CD200R1: variants seen among roughly 807,000 people sequenced by gnomAD.
CD200R1 encodes the protein CD200 receptor 1, also known as cell surface glycoprotein CD200 receptor 1.
In CD200R1, 30 loss-of-function variants were observed where a neutral mutation model predicts 38.1. The ratio of observed to expected loss-of-function variants is 0.79; its 90% CI spans 0.59 to 1.07. CD200R1 has a LOEUF of 1.07. Ranked by LOEUF, CD200R1 falls within the 50% of genes least tolerant of loss-of-function variation. CD200R1 has a pLI of 0.00. For missense variants in CD200R1, 372 were observed against 415.4 expected, an observed-to-expected ratio of 0.90 and a Z score of 0.91; for synonymous variants, 128 against 152.1, an observed-to-expected ratio of 0.84 and a Z score of 1.16.
chr3:112,952,302 T>A (rs1156307871), intron 1 of CD200R1, among the ~76,000 whole-genome samples: 2 of 152,204 alleles, frequency 1.3e-5, no homozygotes, highest in Non-Finnish European at 2.9e-5. Context: ...TCACTGTTAG[T>A]GTATAGAAAA....
intron 2 of CD200R1, among the ~76,000 whole-genome samples, chr3:112,942,551 A>G (rs1159737728): frequency 6.6e-6 from 1 of 151,592 alleles, no homozygotes; most frequent in East Asian, 1.9e-4. Context: ...AGAAGACAAA[A>G]ATAGGAACAA....
chr3:112,970,385 A>G (rs1003795348), intron 1 of CD200R1, among the ~76,000 whole-genome samples: 1 of 152,190 alleles, frequency 6.6e-6, no homozygotes, highest in Non-Finnish European at 1.5e-5. Flanking sequence ...TGTGTCTATT[A>G]TATGAATTAT....
rs946571340 is a variant in CD200R1, at chr3:112,923,363, T to G, written c.*314A>C. ...AGGATACACAAGAAACTGTTCACAC[T>G]TGCTCCTTCTTCAGTTATTTCTTGA... On this transcript the variant is annotated 3_prime_UTR_variant, in exon 8 of 8. Transcript: ENST00000308611. 1 of 188,984 alleles carries G rather than the reference T, an allele frequency of 5.3e-6. No individual in the cohort carries two copies. The highest frequency in any genetic ancestry group is 6.0e-5 in the Admixed American group (1 of 16,800). The allele number at this position is 188,984 out of a possible 1,614,324, so 11.7% of individuals were successfully genotyped here.
At chr3:112,963,309 G>T (rs1482989931) in intron 1 of CD200R1, among the ~76,000 whole-genome samples, 1 of 152,214 alleles carries the variant, frequency 6.6e-6, no homozygotes, top group Non-Finnish European at 1.5e-5. Context: ...AGCAGGTAGA[G>T]GTTGGAACAG....
At chr3:112,926,295 T>C (rs1940279491) in intron 5 of CD200R1, among the ~76,000 whole-genome samples, 1 of 152,194 alleles carries the variant, frequency 6.6e-6, no homozygotes, top group South Asian at 2.1e-4. Flanking sequence ...GGAGATGAAG[T>C]GGAGACTGAG....
intron 1 of CD200R1, among the ~76,000 whole-genome samples, chr3:112,954,630 A>C (rs911400987): frequency 2.0e-5 from 3 of 152,140 alleles, no homozygotes; most frequent in Non-Finnish European, 4.4e-5. Context: ...TTATCTAATG[A>C]AGCCTCCATA....
chr3:112,929,770 G>C (rs946636281), intron 3 of CD200R1, among the ~76,000 whole-genome samples: 1 of 151,956 alleles, frequency 6.6e-6, no homozygotes, highest in African/African-American at 2.4e-5. Flanking sequence ...TAATGGAGAA[G>C]TTTTAATATC....
chr3:112,957,048 G>A (rs1236247915), intron 1 of CD200R1, among the ~76,000 whole-genome samples: 1 of 152,166 alleles, frequency 6.6e-6, no homozygotes, highest in Admixed American at 6.5e-5. Context: ...GGTGGGCCCA[G>A]AGTTGGGGTC....
At chr3:112,931,492 T>C (rs1940437712) in intron 2 of CD200R1, among the ~76,000 whole-genome samples, 1 of 152,188 alleles carries the variant, frequency 6.6e-6, no homozygotes, top group African/African-American at 2.4e-5. Flanking sequence ...TACGTGAGCA[T>C]CTCACATGAG....
chr3:112,940,223 G>T (rs1453205469), intron 2 of CD200R1, among the ~76,000 whole-genome samples: 1 of 151,808 alleles, frequency 6.6e-6, no homozygotes, highest in Non-Finnish European at 1.5e-5. Context: ...ACTGCTAGAA[G>T]AAAACACCGA....
intron 1 of CD200R1, among the ~76,000 whole-genome samples, chr3:112,961,262 T>A (rs1040870038): frequency 2.6e-5 from 4 of 152,068 alleles, no homozygotes; most frequent in African/African-American, 9.7e-5. Context: ...CCACTCAAAT[T>A]CCTGGAGGGA....
intron 1 of CD200R1, among the ~76,000 whole-genome samples, chr3:112,965,609 A>T (rs945415918): frequency 6.6e-6 from 1 of 152,064 alleles, no homozygotes; most frequent in Non-Finnish European, 1.5e-5. Context: ...AAAAATACAA[A>T]AATTAGCTGG....
chr3:112,970,840 T>A (rs1015535364), intron 1 of CD200R1, among the ~76,000 whole-genome samples: 5 of 152,150 alleles, frequency 3.3e-5, no homozygotes, highest in African/African-American at 1.2e-4. Flanking sequence ...CAGAAGAGTA[T>A]CTCCTCCTAC....
chr3:112,923,744 G>A lies in CD200R1; in HGVS notation c.980C>T (p.Thr327Ile). ...CTCAGATGCCTTCACCTTGTTTGTA[G>A]TATCATAGAGAGGATTGTTCTTCTC... The part of the protein sequence containing the change: ...YTEKNNPLYD[T>I]TNKVKASEAL... The change falls in exon 8 of 8, where the codon ACT (threonine) becomes ATT (isoleucine). Residue 327 changes from threonine to isoleucine, a missense_variant. Thr to Ile is a moderately conservative substitution (Grantham distance 89). Transcript: ENST00000308611. The A allele has an allele frequency of 6.2e-7, 1 of 1,609,020 alleles. No homozygotes were observed. The highest frequency in any genetic ancestry group is 1.3e-5 in the African/African-American group (1 of 74,672).
At chr3:112,956,980 T>C (rs1298872392) in intron 1 of CD200R1, among the ~76,000 whole-genome samples, 2 of 152,166 alleles carry the variant, frequency 1.3e-5, no homozygotes, top group Admixed American at 6.5e-5. Context: ...CTGATGTCCA[T>C]AGGCACCAGC....
chr3:112,929,012 C>G lies in CD200R1; in HGVS notation c.573G>C (p.Lys191Asn), dbSNP rs201051709. The G allele has an allele frequency of 1.9e-4, 314 of 1,613,962 alleles. 2 individuals are homozygous for G. Among genetic ancestry groups the G allele is most frequent in the Non-Finnish European group, 1.9e-5 (23 of 1,180,010 alleles). Residue 191 changes from lysine (K) to asparagine (N), a missense_variant, in exon 5 of 8, where the codon AAG becomes AAC. Transcript: ENST00000308611. ...FQNRNRTAVC[K>N]AVAGKPAAHI... ...GCGCAGCTGGCTTCCCTGCAACTGC[C>G]TTGCATACTGCAGTTCTATTCCTGT...
chr3:112,961,675 C>T (rs935152103), intron 1 of CD200R1, among the ~76,000 whole-genome samples: 8 of 151,948 alleles, frequency 5.3e-5, no homozygotes, highest in African/African-American at 1.9e-4. Flanking sequence ...GAATTTGAAA[C>T]TTCTGTATGA....
chr3:112,945,894 A>G (rs1275119934), intron 2 of CD200R1, among the ~76,000 whole-genome samples: 1 of 152,030 alleles, frequency 6.6e-6, no homozygotes, highest in African/African-American at 2.4e-5. Flanking sequence ...AGGGCGTGGT[A>G]GCTGGCGCCT....
intron 1 of CD200R1, among the ~76,000 whole-genome samples, chr3:112,958,463 C>T (rs77141704): frequency 4.6e-5 from 7 of 151,890 alleles, no homozygotes; most frequent in East Asian, 1.9e-4. Context: ...AGTGATTGCC[C>T]GCAAATGAGG....
Sources: gnomAD v4.1 joint callset for allele counts (sites outside exome capture counted in the v4.1 genomes callset) on GRCh38, gnomAD v4.1.1 for gene constraint, MANE v1.5 for transcripts, NCBI Gene and HGNC (gene_info 2026-07-23, HGNC 2026-07-21) for gene names.